TSC2: variants seen among roughly 807,000 people sequenced by gnomAD.
TSC2 encodes tuberin.
TSC2 carries 29 observed loss-of-function variants against 202.2 expected under a neutral mutation model. The ratio of observed to expected loss-of-function variants is 0.14; its 90% CI spans 0.11 to 0.20. The LOEUF (loss-of-function observed/expected upper bound fraction) is 0.20, where lower values mean the gene tolerates loss of function less well. Among genes scored for constraint, TSC2 ranks in the 10% least tolerant of loss-of-function variants. TSC2 has a pLI of 1.00. For synonymous variants in TSC2, 1,349 were observed against 1,044.0 expected, an observed-to-expected ratio of 1.29 and a Z score of -5.63; for missense variants, 2,429 against 2,420.0, an observed-to-expected ratio of 1.00 and a Z score of -0.08.
rs1596313886 is a variant in TSC2 at position 2,064,733 on chromosome 16, C to T, written c.1599+306C>T. On this transcript the variant is annotated intron_variant, in intron 15 of 41. Coordinates refer to ENST00000219476, the MANE Select transcript of TSC2 (RefSeq NM_000548.5). ...GCTTTGGCCTGCCGTCCTCCCTGCC[C>T]AGCCAACAGCTTTGCTCTTTGATTT... 3.0e-5 allele frequency: 15 copies of T among 492,722 alleles called. No homozygotes were observed. The East Asian group carries it at 5.5e-4, about 18-fold the overall frequency. The allele number at this position is 492,722 out of a possible 1,614,324, so 30.5% of individuals were successfully genotyped here.
Position 2,083,438 on chromosome 16 carries a change from G to A in TSC2, c.3884-257G>A, listed in dbSNP as rs1225095709. The A allele has an allele frequency of 4.9e-6, 3 of 610,912 alleles. No homozygotes were observed. The African/African-American group carries it at 5.5e-5, about 11-fold the overall frequency. 37.8% of individuals were successfully genotyped at this position (610,912 alleles called of 1,614,324 possible). ...TGGAGGCACAGGGGTGGCTGCTGGT[G>A]GACACTAGGGTGGGCAGAGCCGATT... On this transcript the variant is annotated intron_variant, in intron 32 of 41. Coordinates refer to ENST00000219476, the MANE Select transcript of TSC2 (RefSeq NM_000548.5).
At chr16:2,084,078 C>T (rs1398877090) in intron 33 of TSC2, 150 bp from the exon 34 acceptor site, 29 of 1,421,762 alleles carry the variant, frequency 2.0e-5, no homozygotes, top group Admixed American at 6.0e-5. Context: ...AGTGCTGCTG[C>T]GTCAACGGGC....
chr16:2,085,911 G>A (rs1209059250), intron 36 of TSC2, among the ~76,000 whole-genome samples: 5 of 152,226 alleles, frequency 3.3e-5, no homozygotes, highest in Middle Eastern at 3.2e-3. Context: ...TGGGAGTGGG[G>A]TAGGCCCCTG....
intron 22 of TSC2, among the ~76,000 whole-genome samples, 159 bp from the exon 23 acceptor site, chr16:2,075,640 C>T (rs574469864): frequency 5.9e-5 from 9 of 152,126 alleles, no homozygotes; most frequent in East Asian, 5.8e-4. Context: ...GCCATGGGAC[C>T]GAGAGTTGAG....
At chr16:2,061,301 G>A in intron 11 of TSC2, 1 of 287,822 alleles carries the variant, frequency 3.5e-6, no homozygotes, top group Non-Finnish European at 6.8e-6. Context: ...CCTGGAGCCT[G>A]GGGCGGGTGA....
In TSC2 at chr16:2,082,432, G is replaced by T. The variant is rs1410163756; in HGVS notation, c.3815-4G>T. On this transcript the variant is annotated splice_polypyrimidine_tract_variant and splice_region_variant and intron_variant, in intron 31 of 41. Coordinates refer to ENST00000219476, the MANE Select transcript of TSC2 (RefSeq NM_000548.5). The stretch of plus-strand genomic sequence containing the variant: ...ACGTGGCCGCACACGGCCTTCCCTT[G>T]CAGTGGCCTCTTTCTCCTCCCTGTA... 1 of 1,612,424 alleles carries T rather than the reference G, an allele frequency of 6.2e-7. No homozygotes were observed. The highest frequency in any genetic ancestry group is 1.3e-5 in the African/African-American group (1 of 74,948).
intron 10 of TSC2, among the ~76,000 whole-genome samples, chr16:2,059,828 G>C (rs1395863961): frequency 6.6e-6 from 1 of 151,962 alleles, no homozygotes; most frequent in Non-Finnish European, 1.5e-5. Flanking sequence ...CAAGGCTAAT[G>C]TTTTGTATTT....
intron 6 of TSC2, chr16:2,055,844 T>A (rs1403724392): frequency 2.2e-6 from 1 of 452,830 alleles, no homozygotes; most frequent in Non-Finnish European, 4.0e-6. Flanking sequence ...TGAGCGGAGA[T>A]CGTGCCACTG....
chr16:2,055,359 G>A (rs2085642816), intron 5 of TSC2, 43 bp from the exon 6 acceptor site: 3 of 1,514,286 alleles, frequency 2.0e-6, no homozygotes, highest in African/African-American at 1.4e-5. Context: ...AGTGGGAGAT[G>A]TAGATTCGGC....
At chr16:2,061,701 A>G (rs1363715057) in intron 11 of TSC2, 170 bp from the exon 12 acceptor site, 3 of 1,109,128 alleles carry the variant, frequency 2.7e-6, no homozygotes, top group Admixed American at 4.0e-5. Flanking sequence ...GTCTCAACCC[A>G]TGAGGCCCGG....
intron 9 of TSC2, among the ~76,000 whole-genome samples, chr16:2,057,417 G>A (rs185365495): frequency 4.8e-4 from 73 of 152,270 alleles, no homozygotes; most frequent in Admixed American, 3.1e-3. Context: ...ATGCTCGGAC[G>A]TCCTCCAGCG....
At position 2,071,887 on chromosome 16, in the gene TSC2, G is replaced by A. The variant is rs779275341; in HGVS notation, c.2050G>A (p.Val684Met). 2.5e-6 allele frequency: 4 copies of A among 1,597,074 alleles called. No individual in the cohort carries two copies. The highest frequency in any genetic ancestry group is 1.7e-5 in the Admixed American group (1 of 58,274). Reference sequence around the variant, plus strand: ...AGGCCCCGCCGTGCGGCTGGGGTCCGTGCCCTACTCCCTGCTCTTCCGCGT... The same window carrying A: ...AGGCCCCGCCGTGCGGCTGGGGTCCATGCCCTACTCCCTGCTCTTCCGCGT... ...PAGPAVRLGS[V>M]PYSLLFRVLL... Residue 684 changes from valine to methionine, a missense_variant, in exon 19 of 42, where the codon GTG (valine) becomes ATG (methionine). By Grantham distance (21) the Val-to-Met change is conservative. Coordinates refer to ENST00000219476, the MANE Select transcript of TSC2 (RefSeq NM_000548.5).
At chr16:2,060,478 G>T (rs1306382791) in intron 10 of TSC2, among the ~76,000 whole-genome samples, 192 bp from the exon 11 acceptor site, 1 of 152,182 alleles carries the variant, frequency 6.6e-6, no homozygotes, top group African/African-American at 2.4e-5. Context: ...GGCCCGTCTG[G>T]GTCCTGACTG....
chr16:2,076,620 G>T (rs947229452), intron 25 of TSC2, 35 bp downstream of exon 25: 3 of 1,609,008 alleles, frequency 1.9e-6, no homozygotes, highest in South Asian at 2.2e-5. Context: ...GAGTCGGTGT[G>T]GGGTGGGGAA....
At chr16:2,056,157 AGG>A in intron 6 of TSC2, 37 bp from the exon 7 acceptor site, 1 of 1,612,302 alleles carries the variant, frequency 6.2e-7, no homozygotes, top group South Asian at 1.1e-5. Context: ...TCGGCCATCC[AGG>A]CAGTGCTGCC....
intron 3 of TSC2, 50 bp from the exon 4 acceptor site, chr16:2,053,292 A>G (rs1188672113): frequency 3.3e-6 from 5 of 1,537,936 alleles, no homozygotes; most frequent in Admixed American, 3.9e-5. Context: ...TGCCGGGGCC[A>G]GGGTTCTTGG....
chr16:2,077,618 C>G lies in TSC2; in HGVS notation c.2858C>G (p.Pro953Arg), dbSNP rs1303011979. The G allele has an allele frequency of 6.2e-7, 1 of 1,613,180 alleles. No individual in the cohort carries two copies. Among genetic ancestry groups the G allele is most frequent in the Non-Finnish European group, 8.5e-7 (1 of 1,180,004 alleles). The change falls in exon 26 of 42, where the codon CCC (proline) becomes CGC (arginine). Residue 953 changes from proline (P) to arginine (R), a missense_variant. By Grantham distance (103) the Pro-to-Arg change is moderately radical. Transcript: ENST00000219476. ...GATAGTCTGAGGATAGCCAGACCCC[C>G]CAAACAAGGCTTGAATAACTCTCCA... ...RPKSLRIARPPKQGLNNSPPV... is the reference protein window; with the variant it reads ...RPKSLRIARPRKQGLNNSPPV...
chr16:2,070,710 C>A (rs1397719983), intron 17 of TSC2, 132 bp downstream of exon 17: 5 of 1,443,086 alleles, frequency 3.5e-6, no homozygotes, highest in Admixed American at 2.1e-5. Context: ...CTCCTCTGCA[C>A]CCACTGTGGC....
At chr16:2,060,580 T>G (rs915499503) in intron 10 of TSC2, 90 bp from the exon 11 acceptor site, 1 of 1,605,686 alleles carries the variant, frequency 6.2e-7, no homozygotes, top group African/African-American at 1.3e-5. Context: ...CGCTCAGGCG[T>G]GCTACTCTCG....
Sources: gnomAD v4.1 joint callset for allele counts (sites outside exome capture counted in the v4.1 genomes callset) on GRCh38, gnomAD v4.1.1 for gene constraint, MANE v1.5 for transcripts, NCBI Gene and HGNC (gene_info 2026-07-23, HGNC 2026-07-21) for gene names.